CDC14A: variants seen among roughly 807,000 people sequenced by gnomAD.
The protein encoded by CDC14A is dual specificity protein phosphatase CDC14A.
Under a neutral mutation model 74.4 loss-of-function variants are expected in CDC14A, and 53 were observed. The observed-to-expected ratio is 0.71, with a 90% CI of 0.57 to 0.89. The LOEUF (loss-of-function observed/expected upper bound fraction) is 0.89. Ranked by LOEUF, CDC14A falls within the 40% of genes least tolerant of loss-of-function variation. The pLI, the probability that CDC14A is intolerant of heterozygous loss-of-function variation, is 0.00. For missense variants in CDC14A, 646 were observed against 713.7 expected (o/e 0.91, Z 1.08); for synonymous variants, 247 against 258.4 (o/e 0.96, Z 0.43).
intron 4 of CDC14A, among the ~76,000 whole-genome samples, chr1:100,398,970 C>T (rs1454643961): frequency 6.6e-6 from 1 of 151,872 alleles, no homozygotes; most frequent in Non-Finnish European, 1.5e-5. Context: ...TGAAGGGAGG[C>T]TGGAAGAAAA....
chr1:100,494,052 A>G (rs1343269182), intron 11 of CDC14A, among the ~76,000 whole-genome samples: 1 of 152,232 alleles, frequency 6.6e-6, no homozygotes, highest in African/African-American at 2.4e-5. Context: ...CATATATTTT[A>G]GAAAGAACAT....
chr1:100,468,178 G>C, intron 10 of CDC14A, 84 bp downstream of exon 10: 1 of 1,492,696 alleles, frequency 6.7e-7, no homozygotes, highest in Non-Finnish European at 9.2e-7. Context: ...GACCATGTCA[G>C]CCTGTGGTTA....
At chr1:100,414,036 A>T (rs1400019005) in intron 4 of CDC14A, among the ~76,000 whole-genome samples, 4 of 152,236 alleles carry the variant, frequency 2.6e-5, no homozygotes, top group Non-Finnish European at 5.9e-5. Flanking sequence ...TAATTTTGAA[A>T]ATAGTGTCTT....
chr1:100,485,184 G>T (rs1368926131), intron 11 of CDC14A: 51 of 985,264 alleles, frequency 5.2e-5, no homozygotes, highest in Non-Finnish European at 6.1e-5. Context: ...CATTTGTTTG[G>T]TTCCACTATT....
intron 10 of CDC14A, among the ~76,000 whole-genome samples, chr1:100,483,492 ACCACAG>A (rs1669705509): frequency 1.3e-5 from 2 of 152,152 alleles, no homozygotes; most frequent in Admixed American, 6.5e-5. Flanking sequence ...TTTATGACGA[ACCACAG>A]TGTTTTTAGT....
chr1:100,495,923 T>G, intron 12 of CDC14A, 79 bp from the exon 13 acceptor site: 1 of 1,152,476 alleles, frequency 8.7e-7, no homozygotes, highest in Non-Finnish European at 1.3e-6. Context: ...ACTGGTTTGA[T>G]ACCATTTGAT....
chr1:100,421,362 C>T (rs1662341274), intron 4 of CDC14A, among the ~76,000 whole-genome samples: 1 of 152,138 alleles, frequency 6.6e-6, no homozygotes, highest in South Asian at 2.1e-4. Context: ...TATCTGGCAA[C>T]AAATTTTCGA....
At chr1:100,411,741 C>A (rs553848472) in intron 4 of CDC14A, among the ~76,000 whole-genome samples, 3 of 152,190 alleles carry the variant, frequency 2.0e-5, no homozygotes, top group African/African-American at 7.2e-5. Context: ...GGCCAGACAC[C>A]CCTTCTGAGC....
At chr1:100,349,792 A>C (rs1048340268), upstream of CDC14A, among the ~76,000 whole-genome samples, 8 of 151,830 alleles carry the variant, frequency 5.3e-5, no homozygotes, top group Admixed American at 2.6e-4. Context: ...CCTCATGAGT[A>C]GCTGGGATTG....
At chr1:100,358,941 A>G (rs1652299659) in intron 2 of CDC14A, among the ~76,000 whole-genome samples, 1 of 152,214 alleles carries the variant, frequency 6.6e-6, no homozygotes, top group Admixed American at 6.5e-5. Flanking sequence ...ATTTCAAATT[A>G]AATGTATAGC....
rs1553179010 is a variant in CDC14A, at chr1:100,412,755, T to TATATATATTTTA, written c.310-11467_310-11466insATATATATTTTA. Among the ~76,000 whole-genome samples, 48 of 94,274 alleles carry TATATATATTTTA rather than the reference T, an allele frequency of 5.1e-4. 4 individuals are homozygous for TATATATATTTTA. Among genetic ancestry groups the TATATATATTTTA allele is most frequent in the African/African-American group, 2.9e-3 (45 of 15,360 alleles). 61.8% of individuals were successfully genotyped at this position (94,274 alleles called of 152,430 possible). A position where few individuals can be genotyped will look rare whatever the true frequency, so the allele number is the denominator to read the frequency against. ...TATATATATTTTATATATATATATT[T>TATATATATTTTA]TATATATATATATTATATATATATA... On this transcript the variant is annotated intron_variant, in intron 4 of 15. Transcript: ENST00000336454.
At chr1:100,466,409 A>C (rs1393397327) in intron 9 of CDC14A, among the ~76,000 whole-genome samples, 1 of 152,180 alleles carries the variant, frequency 6.6e-6, no homozygotes, top group Non-Finnish European at 1.5e-5. Context: ...ATAGAAGGCA[A>C]ATTACGCAGA....
chr1:100,399,932 A>G (rs1214746411), intron 4 of CDC14A, among the ~76,000 whole-genome samples: 1 of 152,140 alleles, frequency 6.6e-6, no homozygotes, highest in Non-Finnish European at 1.5e-5. Flanking sequence ...AATCATGCCC[A>G]TCAGTCCAAG....
chr1:100,474,480 A>G (rs562406191), intron 10 of CDC14A, among the ~76,000 whole-genome samples: 1 of 152,230 alleles, frequency 6.6e-6, no homozygotes, highest in East Asian at 1.9e-4. Context: ...TAAAATTATG[A>G]ATTCAATTTC....
At chr1:100,393,218 T>G in intron 4 of CDC14A, 1 of 1,591,936 alleles carries the variant, frequency 6.3e-7, no homozygotes, top group Non-Finnish European at 8.6e-7. Context: ...TCTGCCAGTT[T>G]AAATCTTGAA....
chr1:100,498,206 A>C lies in CDC14A; in HGVS notation c.1420A>C (p.Ser474Arg), dbSNP rs770987278. 6.2e-7 allele frequency: 1 copy of C among 1,613,512 alleles called. No homozygotes were observed. The highest frequency in any genetic ancestry group is 1.1e-5 in the South Asian group (1 of 90,978). The stretch of plus-strand genomic sequence containing the variant: ...TTTGTCTTCGGGTGCCACTGTAAGA[A>C]GGTAATTTTTCTCTCCCTCTTCTAA... ...TSLSSGATVR[S>R]FSINSRLASS... Residue 474 changes from serine (S) to arginine (R), a missense_variant and splice_region_variant, in exon 14 of 16, where the codon AGC becomes CGC. Transcript: ENST00000336454.
intron 4 of CDC14A, among the ~76,000 whole-genome samples, chr1:100,420,049 C>T (rs1022527994): frequency 0.074 from 1,055 of 14,208 alleles, 44 homozygotes; most frequent in African/African-American, 0.28. Context: ...CACACACACA[C>T]ACACACACAC....
intron 15 of CDC14A, among the ~76,000 whole-genome samples, chr1:100,505,980 A>G (rs1649198039): frequency 6.6e-6 from 1 of 151,896 alleles, no homozygotes; most frequent in Admixed American, 6.6e-5. Context: ...GCTCTTTTAA[A>G]CCACCAGATC....
intron 4 of CDC14A, among the ~76,000 whole-genome samples, chr1:100,417,018 G>C (rs962480771): frequency 6.6e-6 from 1 of 152,182 alleles, no homozygotes; most frequent in East Asian, 1.9e-4. Flanking sequence ...AGATAAAAAA[G>C]AGATGGAAAC....
Sources: gnomAD v4.1 joint callset for allele counts (sites outside exome capture counted in the v4.1 genomes callset) on GRCh38, gnomAD v4.1.1 for gene constraint, MANE v1.5 for transcripts, NCBI Gene and HGNC (gene_info 2026-07-23, HGNC 2026-07-21) for gene names.